The following PXDNL variants were observed in gnomAD, a reference collection of about 807,000 sequenced individuals.
The protein encoded by PXDNL is probable oxidoreductase PXDNL.
In PXDNL, 145 loss-of-function variants were observed where a neutral mutation model predicts 150.8. The ratio of observed to expected loss-of-function variants is 0.96; its 90% CI spans 0.84 to 1.10. The LOEUF (loss-of-function observed/expected upper bound fraction) is 1.10. PXDNL is among the 50% of genes least tolerant of loss of function. The pLI is 0.00. For missense variants in PXDNL, 2,087 were observed against 1,873.9 expected (o/e 1.11, Z -2.10); for synonymous variants, 757 against 725.7 (o/e 1.04, Z -0.69).
At chr8:51,534,064 C>A (rs1811984949) in intron 4 of PXDNL, among the ~76,000 whole-genome samples, 1 of 145,252 alleles carries the variant, frequency 6.9e-6, no homozygotes, top group Admixed American at 6.6e-5. Flanking sequence ...CGCCGCCATC[C>A]CATCTAGGAA....
At chr8:51,672,593 C>G (rs925211681) in intron 1 of PXDNL, among the ~76,000 whole-genome samples, 1 of 152,018 alleles carries the variant, frequency 6.6e-6, no homozygotes, top group Non-Finnish European at 1.5e-5. Flanking sequence ...CAGTCATACT[C>G]TAAGTGGTTG....
At chr8:51,613,488 G>T (rs931224537) in intron 2 of PXDNL, among the ~76,000 whole-genome samples, 5 of 88,204 alleles carry the variant, frequency 5.7e-5, no homozygotes, top group East Asian at 8.7e-4. Context: ...AGGGGGCGGG[G>T]GGGGGGCAGG....
chr8:51,322,511 A>G (rs990912933), intron 21 of PXDNL, among the ~76,000 whole-genome samples: 3 of 152,166 alleles, frequency 2.0e-5, no homozygotes, highest in African/African-American at 7.2e-5. Flanking sequence ...AATTAAGTGC[A>G]GTCTCCAGGC....
At chr8:51,736,026 T>G (rs1817032198) in intron 1 of PXDNL, among the ~76,000 whole-genome samples, 1 of 152,204 alleles carries the variant, frequency 6.6e-6, no homozygotes. Flanking sequence ...TAATGACATT[T>G]TAATTGAGGC....
At chr8:51,755,345 A>G (rs2037089335) in intron 1 of PXDNL, among the ~76,000 whole-genome samples, 1 of 150,226 alleles carries the variant, frequency 6.7e-6, no homozygotes, top group South Asian at 2.1e-4. Flanking sequence ...CCCAGGCTGG[A>G]GTGCAGGGGC....
intron 4 of PXDNL, among the ~76,000 whole-genome samples, chr8:51,528,662 G>A (rs1330852143): frequency 6.6e-6 from 1 of 152,150 alleles, no homozygotes; most frequent in East Asian, 1.9e-4. Flanking sequence ...AGTGGAAAAG[G>A]GGGCAGAAGA....
intron 8 of PXDNL, among the ~76,000 whole-genome samples, chr8:51,468,876 C>T (rs1377412248): frequency 1.3e-5 from 2 of 151,838 alleles, no homozygotes; most frequent in African/African-American, 2.4e-5. Context: ...TATTGTCTAA[C>T]GTTCTACTTT....
At chr8:51,478,751 G>T (rs1810536254) in intron 6 of PXDNL, among the ~76,000 whole-genome samples, 1 of 152,128 alleles carries the variant, frequency 6.6e-6, no homozygotes, top group Admixed American at 6.5e-5. Flanking sequence ...TTAATAGTAG[G>T]TGTAGCCCTC....
chr8:51,509,791 C>T (rs11774543), intron 4 of PXDNL, among the ~76,000 whole-genome samples: 54,657 of 149,170 alleles, frequency 0.37, 11,115 homozygotes, highest in African/African-American at 0.55. Flanking sequence ...TACACACACA[C>T]GTATATGTAT....
chr8:51,495,897 A>C (rs1439362416), intron 5 of PXDNL, among the ~76,000 whole-genome samples: 1 of 152,216 alleles, frequency 6.6e-6, no homozygotes, highest in African/African-American at 2.4e-5. Context: ...TCCAATCAAC[A>C]GAAAAAGAGG....
intron 21 of PXDNL, among the ~76,000 whole-genome samples, chr8:51,333,748 C>T (rs1459322155): frequency 2.6e-5 from 4 of 152,260 alleles, no homozygotes; most frequent in Admixed American, 6.5e-5. Flanking sequence ...AGTAAAAGGC[C>T]TTGTCCAACA....
intron 2 of PXDNL, among the ~76,000 whole-genome samples, chr8:51,654,023 G>T (rs908379574): frequency 6.6e-6 from 1 of 152,120 alleles, no homozygotes; most frequent in Non-Finnish European, 1.5e-5. Context: ...TTGGGTGTTG[G>T]CTACCTGACT....
chr8:51,566,750 T>C (rs1305931354), intron 3 of PXDNL, among the ~76,000 whole-genome samples: 1 of 151,528 alleles, frequency 6.6e-6, no homozygotes, highest in Non-Finnish European at 1.5e-5. Flanking sequence ...TTCACTTTTG[T>C]CAAATTTCTG....
At chr8:51,455,899 A>AT in intron 9 of PXDNL, among the ~76,000 whole-genome samples, 1 of 152,280 alleles carries the variant, frequency 6.6e-6, no homozygotes, top group Admixed American at 6.5e-5. Flanking sequence ...CTCTACAAAC[A>AT]TTTTTTTAAA....
intron 4 of PXDNL, among the ~76,000 whole-genome samples, chr8:51,516,670 G>C (rs1261483160): frequency 2.0e-5 from 3 of 152,168 alleles, no homozygotes; most frequent in Admixed American, 6.5e-5. Flanking sequence ...ACAAAGAAAT[G>C]ATATAACTTG....
At chr8:51,373,646 G>T (rs1239454349) in intron 18 of PXDNL, among the ~76,000 whole-genome samples, 2 of 152,144 alleles carry the variant, frequency 1.3e-5, no homozygotes, top group African/African-American at 2.4e-5. Flanking sequence ...TTTGTAAAGG[G>T]AAGGGATTTA....
chr8:51,476,079 A>T (rs1323933481), intron 6 of PXDNL, among the ~76,000 whole-genome samples: 2 of 151,590 alleles, frequency 1.3e-5, no homozygotes, highest in Non-Finnish European at 2.9e-5. Flanking sequence ...CCTGGGTGAC[A>T]GAGTGTGACC....
chr8:51,760,281 T>C (rs1293497426), intron 1 of PXDNL, among the ~76,000 whole-genome samples: 1 of 151,880 alleles, frequency 6.6e-6, no homozygotes, highest in African/African-American at 2.4e-5. Context: ...TAGTCTAAGA[T>C]GCTAGACCAG....
chr8:51,659,735 G>C (rs953635427), intron 1 of PXDNL, among the ~76,000 whole-genome samples: 4 of 152,002 alleles, frequency 2.6e-5, no homozygotes, highest in Non-Finnish European at 5.9e-5. Flanking sequence ...AAAAGCCCAG[G>C]CCTTGTCTAA....
Sources: allele counts gnomAD v4.1 joint callset (sites outside exome capture counted in the v4.1 genomes callset), GRCh38; gene constraint gnomAD v4.1.1; transcripts MANE v1.5; gene names NCBI Gene and HGNC (gene_info 2026-07-23, HGNC 2026-07-21).